Variants in RCAN2 observed in about 807,000 individuals in gnomAD.
The protein encoded by RCAN2 is regulator of calcineurin 2, also known as calcipressin-2.
A neutral mutation model predicts 23.6 loss-of-function variants in RCAN2; 9 were observed. That is an observed-to-expected ratio of 0.38 (90% confidence interval 0.23 to 0.67). The LOEUF (loss-of-function observed/expected upper bound fraction) is 0.67. Ranked by LOEUF, RCAN2 falls within the 30% of genes least tolerant of loss-of-function variation. The pLI, the probability that RCAN2 is intolerant of heterozygous loss-of-function variation, is 0.51. For missense variants in RCAN2, 273 were observed against 302.3 expected (o/e 0.90, Z 0.72); for synonymous variants, 109 against 115.7 (o/e 0.94, Z 0.37).
intron 2 of RCAN2, among the ~76,000 whole-genome samples, chr6:46,323,147 T>C (rs569297199): frequency 3.0e-4 from 45 of 152,214 alleles, no homozygotes; most frequent in African/African-American, 1.1e-3. Flanking sequence ...CTCAGCTGGA[T>C]TTAGGACATT....
intron 1 of RCAN2, among the ~76,000 whole-genome samples, chr6:46,484,139 T>C (rs1253996553): frequency 6.6e-6 from 1 of 152,244 alleles, no homozygotes; most frequent in Non-Finnish European, 1.5e-5. Flanking sequence ...AGCCTGACTT[T>C]CAGACAAATT....
At position 46,303,621 on chromosome 6, in the gene RCAN2, G is replaced by A. The variant is rs186024205; in HGVS notation, c.226-54725C>T. On this transcript the variant is annotated intron_variant, in intron 2 of 4. Transcript: ENST00000371374. Reference sequence around the variant, plus strand: ...TTAAAACGGTTCCAGTACCTTAGAAGGCTCGTTTCTGCCCTCTTCCAGTCA... The same window carrying A: ...TTAAAACGGTTCCAGTACCTTAGAAAGCTCGTTTCTGCCCTCTTCCAGTCA... Among the ~76,000 whole-genome samples the A allele has an allele frequency of 8.0e-4, 121 of 152,110 alleles. No individual in the cohort carries two copies. The Middle Eastern group carries it at 0.01, about 13-fold the overall frequency.
chr6:46,491,796 C>G (rs1347552915), upstream of RCAN2: 1 of 152,414 alleles, frequency 6.6e-6, no homozygotes, highest in Non-Finnish European at 1.5e-5. Flanking sequence ...GGTGAGGGGG[C>G]AGCGACAGCC....
intron 2 of RCAN2, among the ~76,000 whole-genome samples, chr6:46,330,618 C>G (rs1015672481): frequency 2.6e-5 from 4 of 152,168 alleles, no homozygotes; most frequent in Admixed American, 1.3e-4. Flanking sequence ...CATCCTTTCT[C>G]CCCCTCTCCT....
chr6:46,258,323 C>G (rs1254689288), intron 2 of RCAN2, among the ~76,000 whole-genome samples: 1 of 152,238 alleles, frequency 6.6e-6, no homozygotes, highest in Non-Finnish European at 1.5e-5. Flanking sequence ...AGAGTTCCCA[C>G]AGCTGGACTT....
intron 2 of RCAN2, among the ~76,000 whole-genome samples, chr6:46,347,164 C>T (rs942085105): frequency 2.6e-5 from 4 of 152,158 alleles, no homozygotes; most frequent in African/African-American, 7.2e-5. Flanking sequence ...CATGATCCAC[C>T]GCGCCTGGCC....
chr6:46,431,905 T>G (rs1401838992), intron 2 of RCAN2, among the ~76,000 whole-genome samples: 2 of 152,238 alleles, frequency 1.3e-5, no homozygotes, highest in African/African-American at 4.8e-5. Flanking sequence ...GTATTGACTT[T>G]GTATTGGAAA....
intron 2 of RCAN2, among the ~76,000 whole-genome samples, chr6:46,428,175 T>C (rs954704639): frequency 6.6e-6 from 1 of 152,222 alleles, no homozygotes; most frequent in African/African-American, 2.4e-5. Flanking sequence ...CTCAGATAGA[T>C]GCTTGTTTTT....
At chr6:46,404,506 C>T (rs192032250) in intron 2 of RCAN2, among the ~76,000 whole-genome samples, 12 of 152,156 alleles carry the variant, frequency 7.9e-5, no homozygotes, top group East Asian at 1.9e-4. Flanking sequence ...CCTTACTATA[C>T]GTTATATATC....
intron 2 of RCAN2, among the ~76,000 whole-genome samples, chr6:46,386,858 A>C (rs1411781303): frequency 7.9e-5 from 12 of 152,174 alleles, no homozygotes; most frequent in Non-Finnish European, 1.5e-4. Flanking sequence ...ACTATACTAC[A>C]AGGCCACAGT....
At chr6:46,281,064 G>A (rs537782575) in intron 2 of RCAN2, among the ~76,000 whole-genome samples, 1 of 152,294 alleles carries the variant, frequency 6.6e-6, no homozygotes, top group East Asian at 1.9e-4. Context: ...TTAGTTGTTG[G>A]TTGGTCAGGA....
intron 1 of RCAN2, among the ~76,000 whole-genome samples, chr6:46,464,256 A>T (rs1768309531): frequency 6.6e-6 from 1 of 152,186 alleles, no homozygotes; most frequent in Non-Finnish European, 1.5e-5. Context: ...TATGAACCTA[A>T]AGTTTTGCAG....
chr6:46,471,274 G>T (rs1768552482), intron 1 of RCAN2, among the ~76,000 whole-genome samples: 1 of 152,208 alleles, frequency 6.6e-6, no homozygotes, highest in South Asian at 2.1e-4. Flanking sequence ...TTATCTGGCT[G>T]TTATCTGGAG....
chr6:46,468,225 T>A (rs1294550223), intron 1 of RCAN2, among the ~76,000 whole-genome samples: 1 of 152,232 alleles, frequency 6.6e-6, no homozygotes, highest in African/African-American at 2.4e-5. Context: ...AAAGTCAACA[T>A]TGGTGTTAGG....
At chr6:46,260,767 T>C (rs909197803) in intron 2 of RCAN2, among the ~76,000 whole-genome samples, 1 of 152,018 alleles carries the variant, frequency 6.6e-6, no homozygotes, top group African/African-American at 2.4e-5. Context: ...CACTTCTAAG[T>C]CTCCCAATGG....
rs556179069 is a variant in RCAN2 at position 46,223,239 on chromosome 6, C to T, written c.634G>A (p.Asp212Asn). 23 of 1,613,902 alleles carry T rather than the reference C, an allele frequency of 1.4e-5. No homozygotes were observed. The highest frequency in any genetic ancestry group is 2.7e-5 in the African/African-American group (2 of 74,974). ...STPSVVVHVC[D>N]SDIEEEEDPK... ...TCCTCTTCTTCCTCTATGTCACTGT[C>T]GCACACGTGCACGACGACACTTGGG... Residue 212 changes from aspartate (D) to asparagine (N), a missense_variant, in exon 5 of 5, where the codon GAC becomes AAC. Transcript: ENST00000371374.
chr6:46,346,677 A>G (rs1423093341), intron 2 of RCAN2, among the ~76,000 whole-genome samples: 1 of 152,086 alleles, frequency 6.6e-6, no homozygotes, highest in Non-Finnish European at 1.5e-5. Flanking sequence ...TAACACACAT[A>G]CATATAAAAA....
In RCAN2 at chr6:46,487,165, G is replaced by A. The variant is rs189333847; in HGVS notation, c.-3+4008C>T. On this transcript the variant is annotated intron_variant, in intron 1 of 4. Coordinates refer to ENST00000371374, the MANE Select transcript of RCAN2 (RefSeq NM_001251974.2). ...AATAGAATCCAGTATGACCAACCTT[G>A]GCAATACTATTTCTTTATTTACAGC... Among the ~76,000 whole-genome samples, 13 of 152,164 alleles carry A rather than the reference G, an allele frequency of 8.5e-5. No individual in the cohort carries two copies. The East Asian group carries it at 2.3e-3, about 27-fold the overall frequency.
intron 4 of RCAN2, among the ~76,000 whole-genome samples, chr6:46,239,561 T>C (rs1766228625): frequency 6.6e-6 from 1 of 152,174 alleles, no homozygotes; most frequent in Admixed American, 6.5e-5. Context: ...GCCTTGTATG[T>C]GTGCATTTTA....
Sources: gnomAD v4.1 joint callset for allele counts (sites outside exome capture counted in the v4.1 genomes callset) on GRCh38, gnomAD v4.1.1 for gene constraint, MANE v1.5 for transcripts, NCBI Gene and HGNC (gene_info 2026-07-23, HGNC 2026-07-21) for gene names.